LDLRAD3: variants seen among roughly 807,000 people sequenced by gnomAD.
LDLRAD3 encodes low-density lipoprotein receptor class A domain-containing protein 3.
In LDLRAD3, 20 loss-of-function variants were observed where a neutral mutation model predicts 29.4. The ratio of observed to expected loss-of-function variants is 0.68; its 90% confidence interval spans 0.48 to 0.99. The LOEUF (loss-of-function observed/expected upper bound fraction) is 0.99, where lower values mean the gene tolerates loss of function less well. LDLRAD3 is among the 50% of genes least tolerant of loss of function. The probability of loss-of-function intolerance (pLI) is 0.00; values close to 1 mark genes in which losing one functional copy is unlikely to be tolerated. For missense variants in LDLRAD3, 420 were observed against 454.3 expected (o/e 0.92, Z 0.69); for synonymous variants, 157 against 192.7 (o/e 0.81, Z 1.53).
chr11:36,069,705 A>G (rs6484812), intron 2 of LDLRAD3, among the ~76,000 whole-genome samples: 145,456 of 151,940 alleles, frequency 0.96, 69,897 homozygotes, highest in Non-Finnish European at 1. Flanking sequence ...GTTCATACTG[A>G]CCTCCTTTCA....
chr11:36,098,082 G>A (rs1853389554), intron 3 of LDLRAD3, among the ~76,000 whole-genome samples: 1 of 152,222 alleles, frequency 6.6e-6, no homozygotes, highest in African/African-American at 2.4e-5. Context: ...CAGTTATTAA[G>A]CAGACTTACT....
chr11:35,997,072 G>T (rs1476183448), intron 1 of LDLRAD3, among the ~76,000 whole-genome samples: 2 of 152,130 alleles, frequency 1.3e-5, no homozygotes, highest in Non-Finnish European at 2.9e-5. Context: ...TACACATACA[G>T]CACTTGGCAT....
At chr11:36,200,539 G>A (rs1855112251) in intron 4 of LDLRAD3, among the ~76,000 whole-genome samples, 1 of 152,166 alleles carries the variant, frequency 6.6e-6, no homozygotes, top group Non-Finnish European at 1.5e-5. Context: ...GAAAGGCATG[G>A]CCAAGATACC....
At chr11:36,197,430 G>C (rs1486343769) in intron 4 of LDLRAD3, 1 of 152,236 alleles carries the variant, frequency 6.6e-6, no homozygotes, top group Non-Finnish European at 1.5e-5. Context: ...AACTGCCCGG[G>C]TTGATAACTG....
chr11:36,206,332 G>A (rs1855207958), intron 4 of LDLRAD3, among the ~76,000 whole-genome samples: 1 of 152,200 alleles, frequency 6.6e-6, no homozygotes, highest in South Asian at 2.1e-4. Flanking sequence ...TAAGTGCTTA[G>A]CAGTGAGAGG....
At chr11:36,172,099 G>A (rs1049359911) in intron 4 of LDLRAD3, among the ~76,000 whole-genome samples, 1 of 152,136 alleles carries the variant, frequency 6.6e-6, no homozygotes, top group African/African-American at 2.4e-5. Flanking sequence ...TGCAAAAGGA[G>A]TTGAGTTCTT....
At chr11:36,054,505 G>GC (rs777879805) in intron 2 of LDLRAD3, among the ~76,000 whole-genome samples, 2 of 152,224 alleles carry the variant, frequency 1.3e-5, no homozygotes, top group Non-Finnish European at 2.9e-5. Context: ...ACTTTACTGA[G>GC]CCTTCTTTTC....
intron 2 of LDLRAD3, among the ~76,000 whole-genome samples, chr11:36,081,017 G>A (rs1330741510): frequency 6.6e-6 from 1 of 151,944 alleles, no homozygotes; most frequent in Non-Finnish European, 1.5e-5. Flanking sequence ...AAGTTGTACT[G>A]TTTGCATAAA....
chr11:36,104,337 C>G (rs1048461463), intron 4 of LDLRAD3, among the ~76,000 whole-genome samples: 1 of 152,214 alleles, frequency 6.6e-6, no homozygotes, highest in African/African-American at 2.4e-5. Flanking sequence ...GTAAGACTCC[C>G]TGAGCCAGGG....
intron 4 of LDLRAD3, among the ~76,000 whole-genome samples, chr11:36,201,641 T>C (rs373313390): frequency 2.6e-5 from 4 of 152,202 alleles, no homozygotes; most frequent in African/African-American, 7.2e-5. Flanking sequence ...ACGATGAATA[T>C]GCATGAAACC....
intron 1 of LDLRAD3, among the ~76,000 whole-genome samples, chr11:36,009,017 G>A (rs944982970): frequency 3.3e-5 from 5 of 151,972 alleles, no homozygotes; most frequent in Admixed American, 6.6e-5. Flanking sequence ...ATGGAGACAC[G>A]GCTAGATATC....
intron 1 of LDLRAD3, among the ~76,000 whole-genome samples, chr11:35,961,825 A>G (rs2133136138): frequency 6.6e-6 from 1 of 152,324 alleles, no homozygotes; most frequent in African/African-American, 2.4e-5. Flanking sequence ...ACAGGCATGC[A>G]GTGTTTCATA....
intron 4 of LDLRAD3, among the ~76,000 whole-genome samples, chr11:36,118,496 AGT>A (rs879322720): frequency 1.5e-4 from 17 of 114,100 alleles, no homozygotes; most frequent in African/African-American, 3.5e-4. Context: ...AGTAAGAGTG[AGT>A]GTGTGTGTGT....
rs796293725 is a variant in LDLRAD3 at position 36,079,800 on chromosome 11, G to T, written c.194-1853G>T. ...GTGGGTTTGTGATTAGCCATTTCTTGGAACAATTGTTCTCCCCGACTTGGG... is the reference window on the plus strand; with the variant it reads ...GTGGGTTTGTGATTAGCCATTTCTTTGAACAATTGTTCTCCCCGACTTGGG... On this transcript the variant is annotated intron_variant, in intron 2 of 5. Coordinates refer to ENST00000315571, the MANE Select transcript of LDLRAD3 (RefSeq NM_174902.4). 9.6e-3 allele frequency among the ~76,000 whole-genome samples: 1,463 copies of T among 152,262 alleles called. 21 individuals are homozygous for T. The highest frequency in any genetic ancestry group is 0.033 in the African/African-American group (1,392 of 41,556).
intron 1 of LDLRAD3, among the ~76,000 whole-genome samples, chr11:35,964,213 G>A (rs1264423735): frequency 6.6e-6 from 1 of 152,166 alleles, no homozygotes; most frequent in African/African-American, 2.4e-5. Flanking sequence ...CAATTATTTG[G>A]TGCTTACTGT....
rs146520883 is a variant in LDLRAD3 at position 36,219,095 on chromosome 11, C to T, written c.455-7990C>T. ...TTGTAAATAAAGTTTGTCTGGGACA[C>T]GGCCACATTCATTCATTGACATATT... On this transcript the variant is annotated intron_variant, in intron 4 of 5. Coordinates refer to ENST00000315571, the MANE Select transcript of LDLRAD3 (RefSeq NM_174902.4). Among the ~76,000 whole-genome samples, 582 of 152,338 alleles carry T rather than the reference C, an allele frequency of 3.8e-3. 2 individuals are homozygous for T. Among genetic ancestry groups the T allele is most frequent in the African/African-American group, 0.013 (555 of 41,570 alleles).
intron 4 of LDLRAD3, among the ~76,000 whole-genome samples, chr11:36,194,914 G>C (rs1313049169): frequency 6.6e-6 from 1 of 152,140 alleles, no homozygotes; most frequent in Non-Finnish European, 1.5e-5. Flanking sequence ...AGGCGGAGAA[G>C]GCAGTAGTCT....
chr11:36,102,647 G>A (rs1418296817), intron 4 of LDLRAD3, among the ~76,000 whole-genome samples: 3 of 152,182 alleles, frequency 2.0e-5, no homozygotes, highest in Non-Finnish European at 4.4e-5. Flanking sequence ...ATGTATTAGA[G>A]ACCAAAGAAG....
At chr11:36,051,603 A>G (rs990217130) in intron 2 of LDLRAD3, among the ~76,000 whole-genome samples, 1 of 152,180 alleles carries the variant, frequency 6.6e-6, no homozygotes, top group African/African-American at 2.4e-5. Context: ...ATTCTCCTGT[A>G]TAAAAGTTAT....
Sources: allele counts gnomAD v4.1 joint callset (sites outside exome capture counted in the v4.1 genomes callset), GRCh38; gene constraint gnomAD v4.1.1; transcripts MANE v1.5; gene names NCBI Gene and HGNC (gene_info 2026-07-23, HGNC 2026-07-21).